The following SECISBP2 variants were observed in gnomAD, a reference collection of about 807,000 sequenced individuals.
SECISBP2 encodes the protein selenocysteine insertion sequence-binding protein 2.
A neutral mutation model predicts 98.2 loss-of-function variants in SECISBP2; 96 were observed. The observed-to-expected ratio is 0.98, with a 90% CI of 0.83 to 1.16. The LOEUF (loss-of-function observed/expected upper bound fraction) is 1.16. SECISBP2 is among the 50% of genes most tolerant of loss of function. The probability of loss-of-function intolerance (pLI) is 0.00; values close to 1 mark genes in which losing one functional copy is unlikely to be tolerated. For synonymous variants in SECISBP2, 407 were observed against 370.2 expected (o/e 1.10, Z -1.14); for missense variants, 1,046 against 1,022.9 (o/e 1.02, Z -0.31).
At chr9:89,319,852 G>A in intron 2 of SECISBP2, 55 bp downstream of exon 2, 3 of 1,575,624 alleles carry the variant, frequency 1.9e-6, no homozygotes, top group Middle Eastern at 1.8e-4. Context: ...ATTTAATGGT[G>A]ATTAGACTTT....
intron 6 of SECISBP2, 48 bp from the exon 7 acceptor site, chr9:89,334,474 C>T (rs778474522): frequency 6.7e-7 from 1 of 1,495,854 alleles, no homozygotes; most frequent in South Asian, 1.1e-5. Flanking sequence ...TAAGGAATTT[C>T]TATTTTACTG....
At chr9:89,332,566 A>G (rs768301391) in intron 5 of SECISBP2, 2 of 339,494 alleles carry the variant, frequency 5.9e-6, no homozygotes, top group Non-Finnish European at 1.1e-5. Context: ...TTGGAATCAT[A>G]TAGTATGTAG....
At chr9:89,329,222 C>T (rs1587877657) in intron 5 of SECISBP2, 1 of 287,848 alleles carries the variant, frequency 3.5e-6, no homozygotes, top group Non-Finnish European at 6.7e-6. Flanking sequence ...AAGCAATTCT[C>T]CTGCCTCAGC....
Position 89,318,535 on chromosome 9 carries a change from GC to G in SECISBP2, c.-41del. 2 of 1,511,978 alleles carry G rather than the reference GC, an allele frequency of 1.3e-6. No homozygotes were observed. Among genetic ancestry groups the G allele is most frequent in the Non-Finnish European group, 8.8e-7 (1 of 1,135,236 alleles). The allele number at this position is 1,511,978 out of a possible 1,614,324, so 93.7% of individuals were successfully genotyped here. A position where few individuals can be genotyped will look rare whatever the true frequency, so the allele number is the denominator to read the frequency against. On this transcript the variant is annotated 5_prime_UTR_variant, in exon 1 of 17. Coordinates refer to ENST00000375807, the MANE Select transcript of SECISBP2 (RefSeq NM_024077.5). ...TGTCTGTCCGGCAAGCCGACGGCCCGCTGCTGGCCTCCGTGACGCGGCCTCC... is the reference window on the plus strand; with the variant it reads ...TGTCTGTCCGGCAAGCCGACGGCCCGTGCTGGCCTCCGTGACGCGGCCTCC...
At chr9:89,355,100 C>T in intron 14 of SECISBP2, 1 of 985,384 alleles carries the variant, frequency 1.0e-6, no homozygotes, top group Non-Finnish European at 1.2e-6. Context: ...AAATTAATCT[C>T]CTATCCAACT....
chr9:89,348,079 A>G lies in SECISBP2; in HGVS notation c.1603A>G (p.Ile535Val). 1 of 1,612,310 alleles carries G rather than the reference A, an allele frequency of 6.2e-7. No individual in the cohort carries two copies. Among genetic ancestry groups the G allele is most frequent in the Non-Finnish European group, 8.5e-7 (1 of 1,178,416 alleles). ...KAKKPTSLKK[I>V]ILKERQERKQ... is the part of the protein sequence containing the mutation. Reference sequence around the variant, plus strand: ...TTTAATTGTTTATTTAATTTTTAAGATTATTTTGAAAGAACGGCAAGAGAG... The same window carrying G: ...TTTAATTGTTTATTTAATTTTTAAGGTTATTTTGAAAGAACGGCAAGAGAG... The change falls in exon 12 of 17, where the codon ATT becomes GTT. Residue 535 changes from isoleucine to valine, a missense_variant and splice_region_variant. Ile to Val is a conservative substitution (Grantham distance 29). Coordinates refer to ENST00000375807, the MANE Select transcript of SECISBP2 (RefSeq NM_024077.5).
intron 2 of SECISBP2, 135 bp downstream of exon 2, chr9:89,319,932 C>G (rs1825425462): frequency 1.1e-6 from 1 of 937,542 alleles, no homozygotes; most frequent in African/African-American, 1.6e-5. Context: ...CAAGAAGAGT[C>G]TGAGCCAGTA....
intron 14 of SECISBP2, among the ~76,000 whole-genome samples, chr9:89,356,065 T>G (rs1428518681): frequency 6.6e-6 from 1 of 152,242 alleles, no homozygotes; most frequent in Non-Finnish European, 1.5e-5. Context: ...ACCCCTGGGC[T>G]GCAGACCAGT....
Position 89,350,642 on chromosome 9 carries a change from C to T in SECISBP2, c.1903C>T (p.Gln635Ter), listed in dbSNP as rs769714466. 1 of 1,613,970 alleles carries T rather than the reference C, an allele frequency of 6.2e-7. No homozygotes were observed. Among genetic ancestry groups the T allele is most frequent in the East Asian group, 2.2e-5 (1 of 44,886 alleles). ...TGATGTTTCTTTCAGTTACTGCAGC[C>T]AGATGCTTAGTAAAGAAGTGGATGC... ...HSRRFRDYCS[Q>*]MLSKEVDACV... Residue 635 changes from glutamine (Q) to a stop codon, truncating the protein, a stop_gained, in exon 14 of 17, where the codon CAG (glutamine) becomes TAG (stop). Transcript: ENST00000375807. LOFTEE classifies it high-confidence loss of function.
In SECISBP2 at chr9:89,325,582, A is replaced by T; in HGVS notation, c.338A>T (p.Tyr113Phe). The change falls in exon 3 of 17, where the codon TAT (tyrosine) becomes TTT (phenylalanine). Residue 113 changes from tyrosine (Y) to phenylalanine (F), a missense_variant. Transcript: ENST00000375807. ...TCAGTGCCTGGCTCCCAGTATCTTT[A>T]TAACCAACCCAGTTGTTACCGAGGT... ...VYSVPGSQYL[Y>F]NQPSCYRGFQ... 1 of 1,614,156 alleles carries T rather than the reference A, an allele frequency of 6.2e-7. No homozygotes were observed. The highest frequency in any genetic ancestry group is 8.5e-7 in the Non-Finnish European group (1 of 1,180,010).
At position 89,349,892 on chromosome 9, in the gene SECISBP2, A is replaced by T. The variant is rs1587991519; in HGVS notation, c.1855A>T (p.Thr619Ser). ...GGCCTCCCACCTTGCTCCCAATCAC[A>T]CCACCTTCCCTAAGATCCACAGCCG... ...TEASHLAPNH[T>S]TFPKIHSRRF... Residue 619 changes from threonine (T) to serine (S), a missense_variant, in exon 13 of 17, where the codon ACC (threonine) becomes TCC (serine). By Grantham distance (58) the Thr-to-Ser change is moderately conservative (BLOSUM62 1). Coordinates refer to ENST00000375807, the MANE Select transcript of SECISBP2 (RefSeq NM_024077.5). 2 of 1,614,140 alleles carry T rather than the reference A, an allele frequency of 1.2e-6. No individual in the cohort carries two copies. Among genetic ancestry groups the T allele is most frequent in the Non-Finnish European group, 1.7e-6 (2 of 1,180,020 alleles).
rs1215214490 is a variant in SECISBP2 at position 89,319,768 on chromosome 9, T to C, written c.153T>C (p.Tyr51=). ...TCCCCAGCTCTGCAGCCACATACTA[T>C]CCGTTTGTTCAGGAACCACCAGTGA... ...CVFPSSAATY[Y]PFVQEPPVTE... The change falls in exon 2 of 17, where the codon TAT becomes TAC. Residue 51 remains tyrosine (Y), a synonymous_variant. Coordinates refer to ENST00000375807, the MANE Select transcript of SECISBP2 (RefSeq NM_024077.5). 6.2e-7 allele frequency: 1 copy of C among 1,614,056 alleles called. No individual in the cohort carries two copies. The highest frequency in any genetic ancestry group is 1.3e-5 in the African/African-American group (1 of 74,922).
chr9:89,328,525 G>T, intron 4 of SECISBP2, 135 bp from the exon 5 acceptor site: 1 of 711,544 alleles, frequency 1.4e-6, no homozygotes, highest in Non-Finnish European at 2.5e-6. Flanking sequence ...AACAACACCG[G>T]TAAGAGTTAC....
chr9:89,318,758 G>A, intron 1 of SECISBP2, 146 bp downstream of exon 1: 2 of 1,233,798 alleles, frequency 1.6e-6, no homozygotes, highest in African/African-American at 1.6e-5. Flanking sequence ...GGGTGGCCGC[G>A]ATCTTCGCGC....
At chr9:89,322,077 T>G (rs1825910879) in intron 2 of SECISBP2, 1 of 152,250 alleles carries the variant, frequency 6.6e-6, no homozygotes, top group Admixed American at 6.5e-5. Context: ...TTTGTCCTCC[T>G]CCAGTACCTT....
chr9:89,360,215 G>A (rs1832658988), downstream of SECISBP2, among the ~76,000 whole-genome samples: 1 of 152,160 alleles, frequency 6.6e-6, no homozygotes. Flanking sequence ...GTCCCAAGCA[G>A]CAAGTCATCT....
Position 89,339,911 on chromosome 9 carries a change from CAGAAT to C in SECISBP2, c.1264_1268del (p.Ile422AspfsTer7). The C allele has an allele frequency of 1.2e-6, 2 of 1,613,750 alleles. No individual in the cohort carries two copies. Among genetic ancestry groups the C allele is most frequent in the Non-Finnish European group, 8.5e-7 (1 of 1,179,766 alleles). On this transcript the variant is annotated frameshift_variant, in exon 9 of 17. Coordinates refer to ENST00000375807, the MANE Select transcript of SECISBP2 (RefSeq NM_024077.5). LOFTEE classifies it high-confidence loss of function. ...TGGCAGTTGCATCTGAAAGAAGAGACAGAATAGAGACACCGAAATTTCAATCTAAG... is the reference window on the plus strand; with the variant it reads ...TGGCAGTTGCATCTGAAAGAAGAGACAGAGACACCGAAATTTCAATCTAAG...
intron 11 of SECISBP2, among the ~76,000 whole-genome samples, chr9:89,347,878 A>G (rs549436109): frequency 6.6e-6 from 1 of 152,282 alleles, no homozygotes; most frequent in East Asian, 1.9e-4. Flanking sequence ...GCTGCTCTGC[A>G]TACCTTGGGA....
intron 2 of SECISBP2, among the ~76,000 whole-genome samples, chr9:89,320,789 C>T (rs950711076): frequency 6.6e-6 from 1 of 152,164 alleles, no homozygotes; most frequent in African/African-American, 2.4e-5. Flanking sequence ...AAGTATTAAT[C>T]TTTCACATAA....
Sources: gnomAD v4.1 joint callset for allele counts (sites outside exome capture counted in the v4.1 genomes callset) on GRCh38, gnomAD v4.1.1 for gene constraint, MANE v1.5 for transcripts, NCBI Gene and HGNC (gene_info 2026-07-23, HGNC 2026-07-21) for gene names.